GPC3: variants seen among roughly 807,000 people sequenced by gnomAD.
GPC3 encodes the protein glypican 3, also known as glypican-3.
A neutral mutation model predicts 34.4 loss-of-function variants in GPC3; 3 were observed. That is an observed-to-expected ratio of 0.09 (90% CI 0.04 to 0.23). GPC3 has a LOEUF of 0.23. Ranked by LOEUF, GPC3 falls within the 10% of genes least tolerant of loss-of-function variation. GPC3 has a pLI of 1.00. For missense variants in GPC3, 351 were observed against 445.6 expected (o/e 0.79, Z 1.91); for synonymous variants, 177 against 174.0 (o/e 1.02, Z -0.13).
chrX:133,901,303 A>C (rs750775312), intron 2 of GPC3, among the ~76,000 whole-genome samples: 3 of 98,899 alleles, frequency 3.0e-5, no homozygotes, highest in Non-Finnish European at 6.0e-5. Context: ...TTTTTCTTTA[A>C]TTTGAAAACA....
chrX:133,941,588 T>G (rs973450384), intron 2 of GPC3, among the ~76,000 whole-genome samples: 1 of 111,983 alleles, frequency 8.9e-6, no homozygotes, highest in Non-Finnish European at 1.9e-5. Flanking sequence ...GAAAACAAAC[T>G]TAGAGACTTT....
rs2070562985 is a variant in GPC3, at chrX:133,648,227, T to C, written c.1413+13503A>G. On this transcript the variant is annotated intron_variant, in intron 6 of 7. Coordinates refer to ENST00000370818, the MANE Select transcript of GPC3 (RefSeq NM_004484.4). ...CAGGACAGCAGTGAATGAAGCCCAA[T>C]GCAAATTTGTGAACTTTCTTAAAAT... Among the ~76,000 whole-genome samples the C allele has an allele frequency of 1.8e-5, 2 of 108,449 alleles. 1 individual carries two copies. The highest frequency in any genetic ancestry group is 2.0e-4 in the Admixed American group (2 of 9,989). 94.2% of individuals were successfully genotyped at this position (108,449 alleles called of 115,157 possible).
intron 6 of GPC3, among the ~76,000 whole-genome samples, chrX:133,643,737 T>C (rs998331920): frequency 2.7e-5 from 3 of 111,704 alleles, no homozygotes; most frequent in African/African-American, 9.8e-5. Context: ...AAAAATATTT[T>C]TAAATGTCTA....
chrX:133,938,216 A>G (rs1186052483), intron 2 of GPC3, among the ~76,000 whole-genome samples: 2 of 112,176 alleles, frequency 1.8e-5, no homozygotes, highest in Non-Finnish European at 3.8e-5. Flanking sequence ...TATGCATCAT[A>G]TCATTTATTC....
At chrX:133,662,797 T>A (rs1419335360) in intron 5 of GPC3, among the ~76,000 whole-genome samples, 1 of 111,797 alleles carries the variant, frequency 8.9e-6, no homozygotes, top group African/African-American at 3.2e-5. Flanking sequence ...TTGCTCCTGA[T>A]CCTGATAATG....
At chrX:133,628,044 G>C (rs1213454641) in intron 6 of GPC3, among the ~76,000 whole-genome samples, 1 of 112,186 alleles carries the variant, frequency 8.9e-6, no homozygotes, top group African/African-American at 3.2e-5. Context: ...ATGACTTTTT[G>C]TGTCGATGGT....
intron 3 of GPC3, among the ~76,000 whole-genome samples, chrX:133,746,313 T>C (rs188255593): frequency 9.2e-4 from 103 of 112,286 alleles, no homozygotes; most frequent in African/African-American, 3.3e-3. Context: ...AATTTCTCTC[T>C]AAAAATTCAG....
intron 6 of GPC3, among the ~76,000 whole-genome samples, chrX:133,657,127 C>T (rs2070671131): frequency 8.9e-6 from 1 of 112,073 alleles, no homozygotes; most frequent in Non-Finnish European, 1.9e-5. Context: ...CTGTTTACAA[C>T]GGGCAGGAAA....
chrX:133,796,235 G>A (rs375924347), intron 2 of GPC3, among the ~76,000 whole-genome samples: 9 of 111,697 alleles, frequency 8.1e-5, no homozygotes, highest in African/African-American at 2.9e-4. Flanking sequence ...GTGAGCCACC[G>A]CGCCTGGCAT....
chrX:133,952,026 T>C (rs1486285491), intron 2 of GPC3, among the ~76,000 whole-genome samples: 1 of 111,058 alleles, frequency 9.0e-6, no homozygotes, highest in African/African-American at 3.3e-5. Context: ...AAAAGGTGGC[T>C]GATTCCCTCT....
chrX:133,738,752 C>T (rs188378937), intron 3 of GPC3, among the ~76,000 whole-genome samples: 83 of 111,921 alleles, frequency 7.4e-4, no homozygotes, highest in African/African-American at 2.5e-3. Context: ...ATCACACTGC[C>T]CTTTATTCAT....
intron 7 of GPC3, among the ~76,000 whole-genome samples, chrX:133,548,057 TA>T (rs373777937): frequency 1.7e-4 from 19 of 110,341 alleles, no homozygotes; most frequent in Admixed American, 6.8e-4. Context: ...CTGAAACTGT[TA>T]AAAAAAAAGT....
intron 7 of GPC3, among the ~76,000 whole-genome samples, chrX:133,578,685 AAAAAC>A (rs1250597346): frequency 8.9e-6 from 1 of 111,839 alleles, no homozygotes; most frequent in Non-Finnish European, 1.9e-5. Flanking sequence ...TCTCAAAACA[AAAAAC>A]AAAACAAAAC....
Position 133,753,687 on chromosome X carries a change from C to T in GPC3, c.827G>A (p.Gly276Asp). ...GCCTTGCATGACCACATTGCAGTAA[C>T]CGCCACAGGGTTTAACCATCATCAG... Reference protein sequence around the residue: ...QGLMMVKPCGGYCNVVMQGCM... With the variant: ...QGLMMVKPCGDYCNVVMQGCM... The change falls in exon 3 of 8, where the codon GGT (glycine) becomes GAT (aspartate). Residue 276 changes from glycine (G) to aspartate (D), a missense_variant. Transcript: ENST00000370818. The T allele has an allele frequency of 8.3e-7, 1 of 1,211,339 alleles. No homozygotes were observed. The highest frequency in any genetic ancestry group is 1.1e-6 in the Non-Finnish European group (1 of 895,032).
intron 7 of GPC3, among the ~76,000 whole-genome samples, chrX:133,582,203 G>A (rs1368426813): frequency 8.9e-6 from 1 of 112,353 alleles, no homozygotes; most frequent in African/African-American, 3.2e-5. Flanking sequence ...TAATTAGGAT[G>A]TGATGAGTCT....
intron 3 of GPC3, among the ~76,000 whole-genome samples, chrX:133,714,179 A>G (rs2071294485): frequency 8.9e-6 from 1 of 111,905 alleles, no homozygotes; most frequent in Non-Finnish European, 1.9e-5. Context: ...TCTTCTTCCA[A>G]CTGTATATAT....
intron 2 of GPC3, among the ~76,000 whole-genome samples, chrX:133,884,228 C>T (rs11797521): frequency 0.014 from 1,546 of 111,441 alleles, 18 homozygotes; most frequent in Non-Finnish European, 0.02. Flanking sequence ...TTACCAATTG[C>T]CCTAAGAAAT....
chrX:133,687,092 A>ATTTTTTTTTTTTTT (rs775110101), intron 5 of GPC3, among the ~76,000 whole-genome samples: 23 of 69,279 alleles, frequency 3.3e-4, no homozygotes, highest in African/African-American at 1.4e-3. Flanking sequence ...TGGCCGGCTA[A>ATTTTTTTTTTTTTT]TTTTTTTTTT....
intron 2 of GPC3, among the ~76,000 whole-genome samples, chrX:133,764,021 A>C (rs1412678094): frequency 8.9e-6 from 1 of 112,302 alleles, no homozygotes; most frequent in Non-Finnish European, 1.9e-5. Context: ...GAACCAACCT[A>C]GGTGCCCATC....
Sources: gnomAD v4.1 joint callset for allele counts (sites outside exome capture counted in the v4.1 genomes callset) on GRCh38, gnomAD v4.1.1 for gene constraint, MANE v1.5 for transcripts, NCBI Gene and HGNC (gene_info 2026-07-23, HGNC 2026-07-21) for gene names.